Variants in RNF150 observed in about 807,000 individuals in gnomAD.
RNF150 encodes ring finger protein 150.
A neutral mutation model predicts 39.3 loss-of-function variants in RNF150; 24 were observed. The ratio of observed to expected loss-of-function variants is 0.61; its 90% CI spans 0.44 to 0.86. The LOEUF (loss-of-function observed/expected upper bound fraction) is 0.86. Ranked by LOEUF, RNF150 falls within the 40% of genes least tolerant of loss-of-function variation. The probability of loss-of-function intolerance (pLI) is 0.00; values close to 1 mark genes in which losing one functional copy is unlikely to be tolerated. For missense variants in RNF150, 502 were observed against 587.8 expected, an observed-to-expected ratio of 0.85 and a Z score of 1.51; for synonymous variants, 255 against 227.3, an observed-to-expected ratio of 1.12 and a Z score of -1.10.
In RNF150 at chr4:141,066,992, G is replaced by C. The variant is rs531145869; in HGVS notation, c.484+65333C>G. Among the ~76,000 whole-genome samples the C allele has an allele frequency of 3.3e-5, 5 of 152,158 alleles. No individual in the cohort carries two copies. In the South Asian group the frequency reaches 1.0e-3, roughly 32 times the overall value. On this transcript the variant is annotated intron_variant, in intron 1 of 6. Coordinates refer to ENST00000515673, the MANE Select transcript of RNF150 (RefSeq NM_020724.2). ...AACCTGTATAACATGTTACTATACTGAATAATGTAGCCAATTATAACACAA... is the reference window on the plus strand; with the variant it reads ...AACCTGTATAACATGTTACTATACTCAATAATGTAGCCAATTATAACACAA...
intron 6 of RNF150, among the ~76,000 whole-genome samples, chr4:140,907,411 A>C (rs1035868464): frequency 1.3e-5 from 2 of 150,058 alleles, no homozygotes; most frequent in Non-Finnish European, 3.0e-5. Context: ...AATGTTTTTC[A>C]TTTTTTTTTT....
At chr4:140,933,774 T>C (rs1450183578) in intron 4 of RNF150, among the ~76,000 whole-genome samples, 1 of 152,208 alleles carries the variant, frequency 6.6e-6, no homozygotes, top group East Asian at 1.9e-4. Context: ...TTTCCTTCTA[T>C]ACTTTTCCAT....
At position 141,177,618 on chromosome 4, in the gene RNF150, C is replaced by T. The variant is rs28691590; in HGVS notation, c.-6+35176G>A. 7.6e-3 allele frequency among the ~76,000 whole-genome samples: 1,162 copies of T among 152,222 alleles called. 18 individuals carry two copies. Among genetic ancestry groups the T allele is most frequent in the African/African-American group, 0.027 (1,120 of 41,524 alleles). On this transcript the variant is annotated intron_variant, in intron 1 of 7. Transcript: ENST00000420921. Reference sequence around the variant, plus strand: ...GAATTTTTCTTAAGGAGAATTTCCACAATCCAGGTGCATGTACTGACATTC... The same window carrying T: ...GAATTTTTCTTAAGGAGAATTTCCATAATCCAGGTGCATGTACTGACATTC...
intron 1 of RNF150, among the ~76,000 whole-genome samples, chr4:141,151,405 TACAGACAC>T (rs1727293890): frequency 7.4e-6 from 1 of 135,346 alleles, no homozygotes; most frequent in African/African-American, 2.8e-5. Flanking sequence ...ACCCCATCTC[TACAGACAC>T]ACACACACAC....
chr4:140,881,836 A>AT (rs1729385242), intron 6 of RNF150, among the ~76,000 whole-genome samples: 1 of 152,108 alleles, frequency 6.6e-6, no homozygotes, highest in Non-Finnish European at 1.5e-5. Context: ...AGCTATGATC[A>AT]TGTCACTGCA....
At chr4:140,891,315 A>G (rs1423830615) in intron 6 of RNF150, among the ~76,000 whole-genome samples, 1 of 152,186 alleles carries the variant, frequency 6.6e-6, no homozygotes, top group African/African-American at 2.4e-5. Flanking sequence ...AAAGTCTCAG[A>G]AAGAGCCAGT....
intron 1 of RNF150, among the ~76,000 whole-genome samples, chr4:141,100,225 C>T (rs2111033820): frequency 6.6e-6 from 1 of 152,208 alleles, no homozygotes; most frequent in South Asian, 2.1e-4. Flanking sequence ...TGTTCTAGTC[C>T]TTATATATTT....
intron 1 of RNF150, among the ~76,000 whole-genome samples, chr4:141,048,222 G>A (rs1478513269): frequency 6.6e-6 from 1 of 152,214 alleles, no homozygotes; most frequent in East Asian, 1.9e-4. Flanking sequence ...CCATCTCTTG[G>A]CTGAGCATAA....
chr4:140,937,417 C>T (rs554646800), intron 4 of RNF150, among the ~76,000 whole-genome samples: 2 of 152,166 alleles, frequency 1.3e-5, no homozygotes, highest in South Asian at 2.1e-4. Context: ...CCCGGCACAA[C>T]GCCCATCTAA....
At chr4:141,005,195 A>G (rs1332139579) in intron 1 of RNF150, among the ~76,000 whole-genome samples, 2 of 152,160 alleles carry the variant, frequency 1.3e-5, no homozygotes, top group Non-Finnish European at 2.9e-5. Flanking sequence ...CCATATTTGG[A>G]GTAGAAGATA....
intron 1 of RNF150, among the ~76,000 whole-genome samples, chr4:141,157,712 G>A (rs1263662940): frequency 6.6e-6 from 1 of 152,040 alleles, no homozygotes; most frequent in African/African-American, 2.4e-5. Flanking sequence ...AAGTTTACAC[G>A]ATAACATATT....
At chr4:140,898,154 T>C (rs964881368) in intron 6 of RNF150, among the ~76,000 whole-genome samples, 2 of 152,144 alleles carry the variant, frequency 1.3e-5, no homozygotes, top group African/African-American at 2.4e-5. Context: ...TGTTCTATCA[T>C]AGGGCTTGGA....
At chr4:141,211,451 A>G (rs941345227) in intron 1 of RNF150, among the ~76,000 whole-genome samples, 2 of 152,202 alleles carry the variant, frequency 1.3e-5, no homozygotes, top group Non-Finnish European at 2.9e-5. Context: ...GATATTTTTC[A>G]TGATGAACAC....
At chr4:141,075,567 G>GA (rs2110962586) in intron 1 of RNF150, among the ~76,000 whole-genome samples, 1 of 152,252 alleles carries the variant, frequency 6.6e-6, no homozygotes, top group East Asian at 1.9e-4. Context: ...AAATTACTTA[G>GA]AAAATCTCTC....
chr4:141,134,923 T>C (rs1250684788), upstream of RNF150, among the ~76,000 whole-genome samples: 1 of 152,226 alleles, frequency 6.6e-6, no homozygotes, highest in East Asian at 1.9e-4. Context: ...AGCATTTTTT[T>C]TCTCCAGCTG....
Position 140,887,456 on chromosome 4 carries a change from C to G in RNF150, c.1199-19077G>C, listed in dbSNP as rs1729618954. ...TTCTTTCCCCACTAAGCTTTCTGGG[C>G]TCCTTCTTTGCCCATTAATGTGCTG... On this transcript the variant is annotated intron_variant, in intron 6 of 6. Coordinates refer to ENST00000515673, the MANE Select transcript of RNF150 (RefSeq NM_020724.2). Among the ~76,000 whole-genome samples the G allele has an allele frequency of 2.0e-5, 3 of 152,206 alleles. No homozygotes were observed. In the South Asian group the frequency reaches 6.2e-4, roughly 32 times the overall value.
chr4:140,879,265 A>C (rs1729286703), intron 6 of RNF150, among the ~76,000 whole-genome samples: 1 of 152,164 alleles, frequency 6.6e-6, no homozygotes, highest in Non-Finnish European at 1.5e-5. Context: ...TTTCCACACA[A>C]AAAAAATGCC....
chr4:141,085,298 C>A (rs1466247768), intron 1 of RNF150, among the ~76,000 whole-genome samples: 1 of 152,166 alleles, frequency 6.6e-6, no homozygotes, highest in Non-Finnish European at 1.5e-5. Flanking sequence ...CAATTAACTC[C>A]CACCAGGTCC....
intron 1 of RNF150, among the ~76,000 whole-genome samples, chr4:141,154,575 A>G (rs1306922091): frequency 1.3e-5 from 2 of 152,194 alleles, no homozygotes; most frequent in African/African-American, 2.4e-5. Flanking sequence ...GCCTTGGCTG[A>G]ACACCTTGCA....
Sources: allele counts gnomAD v4.1 joint callset (sites outside exome capture counted in the v4.1 genomes callset), GRCh38; gene constraint gnomAD v4.1.1; transcripts MANE v1.5; gene names NCBI Gene and HGNC (gene_info 2026-07-23, HGNC 2026-07-21).